Variants in SLC6A11 observed in about 807,000 individuals in gnomAD.
The protein encoded by SLC6A11 is sodium- and chloride-dependent GABA transporter 3.
SLC6A11 carries 25 observed loss-of-function variants against 74.8 expected under a neutral mutation model. The ratio of observed to expected loss-of-function variants is 0.33; its 90% CI spans 0.24 to 0.47. The LOEUF (loss-of-function observed/expected upper bound fraction) is 0.47. Among genes scored for constraint, SLC6A11 ranks in the 20% least tolerant of loss-of-function variants. The pLI, the probability that SLC6A11 is intolerant of heterozygous loss-of-function variation, is 1.00. For missense variants in SLC6A11, 574 were observed against 837.0 expected, an observed-to-expected ratio of 0.69 and a Z score of 3.88; for synonymous variants, 330 against 330.2, an observed-to-expected ratio of 1.00 and a Z score of 0.01.
chr3:10,877,561 A>G (rs2106606944), intron 6 of SLC6A11, among the ~76,000 whole-genome samples: 1 of 152,316 alleles, frequency 6.6e-6, no homozygotes, highest in South Asian at 2.1e-4. Context: ...TCCTGCCTCC[A>G]TGATCAGCCA....
chr3:10,862,367 T>C (rs1302007581), intron 5 of SLC6A11, among the ~76,000 whole-genome samples: 1 of 152,188 alleles, frequency 6.6e-6, no homozygotes. Flanking sequence ...GTCTTTATGG[T>C]AGAGCTACGT....
chr3:10,817,702 G>T (rs1694081439), intron 1 of SLC6A11, among the ~76,000 whole-genome samples: 1 of 152,364 alleles, frequency 6.6e-6, no homozygotes, highest in South Asian at 2.1e-4. Flanking sequence ...AGAGGGAGAA[G>T]GGTACTGCTT....
In SLC6A11 at chr3:10,911,135, C is replaced by T. The variant is rs571995025; in HGVS notation, c.892-955C>T. On this transcript the variant is annotated intron_variant, in intron 6 of 13. Transcript: ENST00000254488. ...CACCCACCATGCCCGGCCGGGTTGC[C>T]GTGAATATTCAGTAATGCATGAAGG... Among the ~76,000 whole-genome samples, 106 of 152,244 alleles carry T rather than the reference C, an allele frequency of 7.0e-4. 1 individual carries two copies. Among genetic ancestry groups the T allele is most frequent in the African/African-American group, 2.5e-3 (102 of 41,542 alleles).
chr3:10,874,990 C>T lies in SLC6A11; in HGVS notation c.786C>T (p.Tyr262=), dbSNP rs778130532. Residue 262 remains tyrosine (Y), a synonymous_variant, in exon 6 of 14, where the codon TAC becomes TAT. Transcript: ENST00000254488. The part of the protein sequence containing the change: ...KVVYVTATFP[Y]IMLLILLIRG... ...TATACGTGACTGCGACATTCCCCTA[C>T]ATCATGCTGCTGATCCTCCTGATAC... 2 of 1,613,564 alleles carry T rather than the reference C, an allele frequency of 1.2e-6. No individual in the cohort carries two copies. The highest frequency in any genetic ancestry group is 2.2e-5 in the South Asian group (2 of 90,954).
At chr3:10,937,129 T>C (rs1200673390) in intron 13 of SLC6A11, among the ~76,000 whole-genome samples, 1 of 152,138 alleles carries the variant, frequency 6.6e-6, no homozygotes, top group Admixed American at 6.5e-5. Context: ...TCCTACTGAA[T>C]GATAGAAGGT....
chr3:10,905,681 C>A (rs771497918), intron 6 of SLC6A11, among the ~76,000 whole-genome samples: 34 of 152,178 alleles, frequency 2.2e-4, no homozygotes, highest in African/African-American at 3.4e-4. Flanking sequence ...TTTTCACAAC[C>A]ACAGGCATCT....
At chr3:10,900,668 C>T (rs1004532804) in intron 6 of SLC6A11, among the ~76,000 whole-genome samples, 16 of 152,174 alleles carry the variant, frequency 1.1e-4, no homozygotes, top group Non-Finnish European at 2.2e-4. Context: ...TGAACAAGTT[C>T]CATGGTTATT....
At chr3:10,887,100 G>A (rs1335292850) in intron 6 of SLC6A11, among the ~76,000 whole-genome samples, 1 of 151,984 alleles carries the variant, frequency 6.6e-6, no homozygotes, top group Non-Finnish European at 1.5e-5. Flanking sequence ...CAGACGGATG[G>A]ATGGATGGAT....
chr3:10,873,332 A>G (rs1241398785), intron 5 of SLC6A11, among the ~76,000 whole-genome samples: 1 of 150,252 alleles, frequency 6.7e-6, no homozygotes, highest in East Asian at 1.9e-4. Context: ...TTCTGCCCCC[A>G]AAGATTTCTG....
Position 10,929,287 on chromosome 3 carries a change from T to G in SLC6A11, c.1319T>G (p.Ile440Ser), listed in dbSNP as rs760663997. Residue 440 changes from isoleucine (I) to serine (S), a missense_variant, in exon 10 of 14, where the codon ATC becomes AGC. This residue lies in a region of SLC6A11 where 257 missense variants were observed against 341.5 expected (regional missense o/e 0.75). Coordinates refer to ENST00000254488, the MANE Select transcript of SLC6A11 (RefSeq NM_014229.3). ...FRRGYRRELL[I>S]LALSVISYFL... ...AGGGGTTACCGGCGGGAGCTGCTCA[T>G]CCTAGCCTTGTCTGTTATCTCCTAT... The G allele has an allele frequency of 4.4e-5, 71 of 1,614,006 alleles. No individual in the cohort carries two copies. Among genetic ancestry groups the G allele is most frequent in the Non-Finnish European group, 5.8e-5 (69 of 1,180,016 alleles).
chr3:10,914,207 G>C (rs955132319), intron 7 of SLC6A11, among the ~76,000 whole-genome samples: 1 of 152,150 alleles, frequency 6.6e-6, no homozygotes, highest in Non-Finnish European at 1.5e-5. Flanking sequence ...CTTTGAGACA[G>C]GGAAAGTGAA....
At chr3:10,897,487 A>C (rs1352439182) in intron 6 of SLC6A11, among the ~76,000 whole-genome samples, 2 of 152,226 alleles carry the variant, frequency 1.3e-5, no homozygotes, top group Non-Finnish European at 2.9e-5. Flanking sequence ...CGGCCAAAAC[A>C]AAGGGGCTAC....
In SLC6A11 at chr3:10,874,970, G is replaced by A. The variant is rs138109295; in HGVS notation, c.766G>A (p.Val256Met). The change falls in exon 6 of 14, where the codon GTG becomes ATG. Residue 256 changes from valine (V) to methionine (M), a missense_variant. Coordinates refer to ENST00000254488, the MANE Select transcript of SLC6A11 (RefSeq NM_014229.3). Reference sequence around the variant, plus strand: ...CTCCTCTTGTGCACAGGTTGTATACGTGACTGCGACATTCCCCTACATCAT... The same window carrying A: ...CTCCTCTTGTGCACAGGTTGTATACATGACTGCGACATTCCCCTACATCAT... ...GTKSTGKVVYVTATFPYIMLL... is the reference protein window; with the variant it reads ...GTKSTGKVVYMTATFPYIMLL... 8.7e-6 allele frequency: 14 copies of A among 1,611,220 alleles called. No individual in the cohort carries two copies. Among genetic ancestry groups the A allele is most frequent in the Admixed American group, 3.3e-5 (2 of 59,740 alleles).
rs78230936 is a variant in SLC6A11 at position 10,902,264 on chromosome 3, G to A, written c.892-9826G>A. Among the ~76,000 whole-genome samples, 1,499 of 152,328 alleles carry A rather than the reference G, an allele frequency of 9.8e-3. 84 individuals are homozygous for A. In the East Asian group the frequency reaches 0.11, roughly 11 times the overall value. On this transcript the variant is annotated intron_variant, in intron 6 of 13. Coordinates refer to ENST00000254488, the MANE Select transcript of SLC6A11 (RefSeq NM_014229.3). Reference sequence around the variant, plus strand: ...TTTTCACACATCTTCTTGGCCAGGCGCTGGAACAGCAAGGAGCCTAGGAGG... The same window carrying A: ...TTTTCACACATCTTCTTGGCCAGGCACTGGAACAGCAAGGAGCCTAGGAGG...
chr3:10,850,346 G>A (rs1303097818), intron 5 of SLC6A11, among the ~76,000 whole-genome samples: 3 of 152,168 alleles, frequency 2.0e-5, no homozygotes, highest in African/African-American at 4.8e-5. Context: ...TTGCTCATTT[G>A]CTCGCTCATT....
chr3:10,824,361 G>A (rs1694177407), intron 4 of SLC6A11: 1 of 152,154 alleles, frequency 6.6e-6, no homozygotes, highest in Non-Finnish European at 1.5e-5. Context: ...TTACTCTGAT[G>A]GTGATTAATA....
At chr3:10,935,432 A>C in intron 13 of SLC6A11, 2 of 527,322 alleles carry the variant, frequency 3.8e-6, no homozygotes, top group East Asian at 6.4e-5. Flanking sequence ...CCTGTCTGTA[A>C]AATGGGATAA....
chr3:10,844,449 T>A (rs937874626), intron 5 of SLC6A11, 103 bp downstream of exon 5: 13 of 1,431,524 alleles, frequency 9.1e-6, no homozygotes, highest in African/African-American at 1.4e-5. Context: ...GGCCAGCACT[T>A]AAGTTGGGAG....
intron 5 of SLC6A11, among the ~76,000 whole-genome samples, chr3:10,850,583 G>A (rs1350712531): frequency 2.0e-5 from 3 of 152,340 alleles, no homozygotes; most frequent in Middle Eastern, 3.4e-3. Flanking sequence ...TCTGTGATGG[G>A]AAGGATGGGA....
Sources: allele counts gnomAD v4.1 joint callset (sites outside exome capture counted in the v4.1 genomes callset), GRCh38; gene constraint gnomAD v4.1.1; regional missense constraint gnomAD v4.1.1; transcripts MANE v1.5; gene names NCBI Gene and HGNC (gene_info 2026-07-23, HGNC 2026-07-21).